Variants in CBLB observed in about 807,000 individuals in gnomAD.
CBLB encodes E3 ubiquitin-protein ligase CBL-B.
A neutral mutation model predicts 104.9 loss-of-function variants in CBLB; 31 were observed. The observed-to-expected ratio is 0.30, with a 90% CI of 0.22 to 0.40. The LOEUF is 0.40. Ranked by LOEUF, CBLB falls within the 10% of genes least tolerant of loss-of-function variation. CBLB has a pLI of 1.00. For synonymous variants in CBLB, 440 were observed against 422.6 expected (o/e 1.04, Z -0.51); for missense variants, 1,062 against 1,214.6 (o/e 0.87, Z 1.87).
chr3:105,819,817 T>A (rs1485288714), intron 3 of CBLB, among the ~76,000 whole-genome samples: 4 of 152,146 alleles, frequency 2.6e-5, no homozygotes, highest in African/African-American at 9.7e-5. Context: ...AATGTTATCT[T>A]TATACCTGTA....
chr3:105,740,019 C>G (rs1489030869), intron 7 of CBLB, among the ~76,000 whole-genome samples: 1 of 152,200 alleles, frequency 6.6e-6, no homozygotes, highest in Non-Finnish European at 1.5e-5. Flanking sequence ...AGGGGAATCC[C>G]TTGAACCCAG....
Position 105,770,963 on chromosome 3 carries a change from A to T in CBLB, c.566+5433T>A, listed in dbSNP as rs774576071. On this transcript the variant is annotated intron_variant, in intron 4 of 18. Transcript: ENST00000394030. ...GATAGATTCACAACTGAATTCTACC[A>T]GACATTCAAAGACAAATTGGTACTA... Among the ~76,000 whole-genome samples the T allele has an allele frequency of 1.5e-4, 23 of 152,232 alleles. 1 individual carries two copies. The highest frequency in any genetic ancestry group is 5.2e-4 in the Admixed American group (8 of 15,292).
chr3:105,695,772 T>C (rs900454362), intron 12 of CBLB, among the ~76,000 whole-genome samples: 6 of 151,818 alleles, frequency 4.0e-5, no homozygotes, highest in Non-Finnish European at 8.9e-5. Context: ...TTTGCTCATG[T>C]TCTGTGTACT....
chr3:105,702,488 A>C (rs758324227), intron 11 of CBLB, 29 bp from the exon 12 acceptor site: 4 of 1,474,500 alleles, frequency 2.7e-6, no homozygotes, highest in East Asian at 5.1e-5. Flanking sequence ...AAAAAAAAAA[A>C]AAAAAAAAAA....
intron 9 of CBLB, among the ~76,000 whole-genome samples, chr3:105,722,107 G>T (rs946041833): frequency 2.0e-5 from 3 of 151,354 alleles, no homozygotes; most frequent in African/African-American, 7.3e-5. Context: ...GGCTGAGCTG[G>T]GGGCTTCGCT....
rs1386091561 is a variant in CBLB at position 105,685,371 on chromosome 3, A to G, written c.2150T>C (p.Val717Ala). The G allele has an allele frequency of 3.7e-6, 6 of 1,613,524 alleles. No individual in the cohort carries two copies. Among genetic ancestry groups the G allele is most frequent in the Non-Finnish European group, 5.1e-6 (6 of 1,179,644 alleles). ...DEYKIPSSHP[V>A]SLNSQPSHCH... ...ATGAGATGGTTGTGAATTCAGGGAA[A>G]CAGGGTGGGATGAAGGAATCTTGTA... Residue 717 changes from valine to alanine, a missense_variant, in exon 14 of 19, where the codon GTT (valine) becomes GCT (alanine). Val to Ala is a moderately conservative substitution (Grantham distance 64, BLOSUM62 0). Around this residue, in one of 2 missense-constraint regions of CBLB, gnomAD observed 605 missense variants for 582.6 expected, o/e 1.04. Coordinates refer to ENST00000394030, the MANE Select transcript of CBLB (RefSeq NM_170662.5).
chr3:105,724,179 A>G (rs1021309177), intron 9 of CBLB: 1 of 172,280 alleles, frequency 5.8e-6, no homozygotes, highest in African/African-American at 2.4e-5. Context: ...CAGAAACTCA[A>G]TAACTTCTGG....
At chr3:105,732,034 C>G (rs1394283901) in intron 9 of CBLB, among the ~76,000 whole-genome samples, 2 of 152,156 alleles carry the variant, frequency 1.3e-5, no homozygotes, top group Non-Finnish European at 2.9e-5. Context: ...AAATGCAAGG[C>G]TTTTAGTTTC....
chr3:105,822,131 C>A (rs2085954101), intron 3 of CBLB, among the ~76,000 whole-genome samples: 1 of 152,014 alleles, frequency 6.6e-6, no homozygotes, highest in African/African-American at 2.4e-5. Flanking sequence ...TCATCTGCAA[C>A]TATAATATGA....
intron 3 of CBLB, among the ~76,000 whole-genome samples, chr3:105,832,026 T>TA (rs2087609529): frequency 6.6e-6 from 1 of 151,978 alleles, no homozygotes. Context: ...ACAGGAAATT[T>TA]TAAAAAAAAA....
intron 6 of CBLB, 120 bp from the exon 7 acceptor site, chr3:105,740,751 T>A: frequency 1.2e-6 from 1 of 830,286 alleles, no homozygotes. Flanking sequence ...TGAATACTCC[T>A]CATATTCTGT....
At position 105,751,574 on chromosome 3, in the gene CBLB, A is replaced by T; in HGVS notation, c.611T>A (p.Val204Asp). The change falls in exon 5 of 19, where the codon GTC becomes GAC. Residue 204 changes from valine (V) to aspartate (D), a missense_variant. Physicochemically the swap from Val to Asp is radical, Grantham distance 152. Transcript: ENST00000394030. ...TTCCAGGCCAGAGCTAATCTGGTGGACCTCATGAAGGCACTGTCTGAATAC... is the reference window on the plus strand; with the variant it reads ...TTCCAGGCCAGAGCTAATCTGGTGGTCCTCATGAAGGCACTGTCTGAATAC... ...WKVFRQCLHEVHQISSGLEAM... is the reference protein window; with the variant it reads ...WKVFRQCLHEDHQISSGLEAM... The T allele has an allele frequency of 1.9e-6, 3 of 1,612,748 alleles. No individual in the cohort carries two copies. The highest frequency in any genetic ancestry group is 2.5e-6 in the Non-Finnish European group (3 of 1,178,770).
chr3:105,691,933 A>G (rs187476768), intron 13 of CBLB, among the ~76,000 whole-genome samples: 187 of 152,334 alleles, frequency 1.2e-3, no homozygotes, highest in Non-Finnish European at 1.2e-3. Flanking sequence ...CACAAAGTCT[A>G]TAACAGCCTC....
At chr3:105,783,996 A>G (rs1474336009) in intron 3 of CBLB, among the ~76,000 whole-genome samples, 1 of 152,236 alleles carries the variant, frequency 6.6e-6, no homozygotes, top group East Asian at 1.9e-4. Context: ...TTAATGCTAA[A>G]GCAGGATTAA....
At chr3:105,729,421 TCTAC>T (rs1385198978) in intron 9 of CBLB, among the ~76,000 whole-genome samples, 1 of 152,106 alleles carries the variant, frequency 6.6e-6, no homozygotes, top group Non-Finnish European at 1.5e-5. Context: ...TTGGTTTGCT[TCTAC>T]CAAACCAGTA....
At chr3:105,822,514 T>A (rs2086017947) in intron 3 of CBLB, among the ~76,000 whole-genome samples, 3 of 152,188 alleles carry the variant, frequency 2.0e-5, no homozygotes. Context: ...TCAGTTACAT[T>A]TGCTGGGAGG....
chr3:105,711,192 C>T (rs2071013912), intron 10 of CBLB, among the ~76,000 whole-genome samples: 1 of 151,856 alleles, frequency 6.6e-6, no homozygotes, highest in East Asian at 1.9e-4. Flanking sequence ...TAATCAAAGT[C>T]AATTTTATAA....
chr3:105,785,190 G>GCCC (rs1247700652), intron 3 of CBLB, among the ~76,000 whole-genome samples: 1 of 152,156 alleles, frequency 6.6e-6, no homozygotes, highest in Non-Finnish European at 1.5e-5. Flanking sequence ...TCAAATAAAA[G>GCCC]TTTGTTAATT....
intron 3 of CBLB, among the ~76,000 whole-genome samples, chr3:105,807,990 A>G (rs540393416): frequency 2.6e-5 from 4 of 152,190 alleles, no homozygotes; most frequent in Non-Finnish European, 2.9e-5. Flanking sequence ...TAACCACTCT[A>G]TGTTATAAAA....
Sources: allele counts gnomAD v4.1 joint callset (sites outside exome capture counted in the v4.1 genomes callset), GRCh38; gene constraint gnomAD v4.1.1; regional missense constraint gnomAD v4.1.1; transcripts MANE v1.5; gene names NCBI Gene and HGNC (gene_info 2026-07-23, HGNC 2026-07-21).